The following MEP1B variants were observed in gnomAD, a reference collection of about 807,000 sequenced individuals.
MEP1B encodes N-benzoyl-L-tyrosyl-P-amino-benzoic acid hydrolase subunit beta.
MEP1B carries 80 observed loss-of-function variants against 84.6 expected under a neutral mutation model. That is an observed-to-expected ratio of 0.95 (90% CI 0.79 to 1.14). The LOEUF (loss-of-function observed/expected upper bound fraction) is 1.14, where lower values mean the gene tolerates loss of function less well. Among genes scored for constraint, MEP1B ranks in the 50% most tolerant of loss-of-function variants. The pLI is 0.00. For synonymous variants in MEP1B, 273 were observed against 288.1 expected (o/e 0.95, Z 0.53); for missense variants, 766 against 855.1 (o/e 0.90, Z 1.30).
chr18:32,193,776 A>C (rs1167167427), intron 4 of MEP1B, among the ~76,000 whole-genome samples: 2 of 152,132 alleles, frequency 1.3e-5, no homozygotes, highest in Non-Finnish European at 2.9e-5. Flanking sequence ...ACCCCCAGGA[A>C]ACAGAGCTGC....
At chr18:32,191,445 T>C (rs1038999822) in intron 1 of MEP1B, among the ~76,000 whole-genome samples, 1 of 152,048 alleles carries the variant, frequency 6.6e-6, no homozygotes, top group South Asian at 2.1e-4. Context: ...TATTTCAACA[T>C]TGAGAATAAA....
chr18:32,211,998 T>G (rs1159816724), intron 10 of MEP1B, among the ~76,000 whole-genome samples: 1 of 149,520 alleles, frequency 6.7e-6, no homozygotes, highest in Non-Finnish European at 1.5e-5. Flanking sequence ...TACATATATA[T>G]TATTTATGTA....
intron 5 of MEP1B, among the ~76,000 whole-genome samples, chr18:32,201,727 T>G (rs1484900400): frequency 2.6e-5 from 4 of 152,206 alleles, no homozygotes; most frequent in African/African-American, 9.7e-5. Context: ...TATCAATTTT[T>G]AACTTATTTA....
At chr18:32,218,111 C>T in intron 14 of MEP1B, 146 bp downstream of exon 14, 1 of 711,122 alleles carries the variant, frequency 1.4e-6, no homozygotes. Context: ...TATAAAAGTT[C>T]CTATTACTTT....
At chr18:32,204,472 ATGTCTT>A in intron 7 of MEP1B, 112 bp downstream of exon 7, 1 of 925,504 alleles carries the variant, frequency 1.1e-6, no homozygotes, top group Non-Finnish European at 1.6e-6. Flanking sequence ...TGATGTTTTG[ATGTCTT>A]AATTCATTCA....
intron 10 of MEP1B, 54 bp from the exon 11 acceptor site, chr18:32,213,062 C>G (rs1215102426): frequency 1.3e-6 from 2 of 1,492,086 alleles, no homozygotes; most frequent in Non-Finnish European, 1.9e-6. Flanking sequence ...CTAATGTTGA[C>G]ATGTACATGA....
At chr18:32,200,995 C>T (rs1251478429) in intron 5 of MEP1B, among the ~76,000 whole-genome samples, 5 of 152,082 alleles carry the variant, frequency 3.3e-5, no homozygotes, top group Non-Finnish European at 5.9e-5. Context: ...GCATCTATAA[C>T]GCAAGGTTAA....
In MEP1B at chr18:32,196,122, C is replaced by A; in HGVS notation, c.250+637C>A. The stretch of plus-strand genomic sequence containing the variant: ...CTGGCTCGGGCTCGGTGGCCTTGGG[C>A]TCCTTGGCCTCATCCCTGTTTCTGC... On this transcript the variant is annotated intron_variant, in intron 5 of 14. Transcript: ENST00000269202. This position sits in a 1 kb window ranked among gnomAD's most constrained non-coding sequence, Gnocchi z 4.4. 1.9e-6 allele frequency: 1 copy of A among 524,298 alleles called. No homozygotes were observed. Among genetic ancestry groups the A allele is most frequent in the South Asian group, 1.9e-5 (1 of 52,726 alleles). The allele number at this position is 524,298 out of a possible 1,614,324, so 32.5% of individuals were successfully genotyped here. A position where few individuals can be genotyped will look rare whatever the true frequency, so the allele number is the denominator to read the frequency against.
At chr18:32,208,377 T>C (rs576879786) in intron 9 of MEP1B, 106 bp downstream of exon 9, 26 of 1,184,354 alleles carry the variant, frequency 2.2e-5, no homozygotes, top group Non-Finnish European at 2.9e-5. Flanking sequence ...GAATTATTAA[T>C]GATTATTCAT....
Position 32,196,642 on chromosome 18 carries a change from C to G in MEP1B, c.250+1157C>G. The G allele has an allele frequency of 2.9e-6, 2 of 696,650 alleles. No homozygotes were observed. The highest frequency in any genetic ancestry group is 2.6e-4 in the Middle Eastern group (1 of 3,864). The allele number at this position is 696,650 out of a possible 1,614,324, so 43.2% of individuals were successfully genotyped here. A position where few individuals can be genotyped will look rare whatever the true frequency, so the allele number is the denominator to read the frequency against. On this transcript the variant is annotated intron_variant, in intron 5 of 14. Coordinates refer to ENST00000269202, the MANE Select transcript of MEP1B (RefSeq NM_005925.3). This position sits in a 1 kb window ranked among gnomAD's most constrained non-coding sequence, Gnocchi z 4.4. ...CTGTGCAGCACCCGCCTGATGTTGT[C>G]CAGCACGCCACCTCGGGGTGTCTTC...
intron 14 of MEP1B, among the ~76,000 whole-genome samples, chr18:32,218,506 A>T (rs112562275): frequency 2.0e-5 from 3 of 152,188 alleles, no homozygotes; most frequent in African/African-American, 4.8e-5. Flanking sequence ...CTAGAATGCT[A>T]ATAGACTCCT....
Position 32,220,331 on chromosome 18 carries a change from CA to C in MEP1B, c.*87del. On this transcript the variant is annotated 3_prime_UTR_variant, in exon 15 of 15. Coordinates refer to ENST00000269202, the MANE Select transcript of MEP1B (RefSeq NM_005925.3). The stretch of plus-strand genomic sequence containing the variant: ...CGCCTAAGTGATATTACAGCCACCT[CA>C]TTCTTCTAAAAGTGGATATTTTTCT... 8.1e-7 allele frequency: 1 copy of C among 1,241,688 alleles called. No individual in the cohort carries two copies. Among genetic ancestry groups the C allele is most frequent in the South Asian group, 1.3e-5 (1 of 76,678 alleles). 76.9% of individuals were successfully genotyped at this position (1,241,688 alleles called of 1,614,324 possible). A position where few individuals can be genotyped will look rare whatever the true frequency, so the allele number is the denominator to read the frequency against.
chr18:32,197,249 T>C (rs2040864633), intron 5 of MEP1B, among the ~76,000 whole-genome samples: 1 of 152,122 alleles, frequency 6.6e-6, no homozygotes, highest in African/African-American at 2.4e-5. Context: ...GAAATTTAAA[T>C]ATGTTGGAAA....
chr18:32,196,560 G>C lies in MEP1B; in HGVS notation c.250+1075G>C, dbSNP rs2040857051. 40 of 706,230 alleles carry C rather than the reference G, an allele frequency of 5.7e-5. No individual in the cohort carries two copies. Among genetic ancestry groups the C allele is most frequent in the Non-Finnish European group, 1.3e-5 (5 of 384,406 alleles). 43.7% of individuals were successfully genotyped at this position (706,230 alleles called of 1,614,324 possible). ...GAGAGCTTTGGGCCCTTGGTACTTG[G>C]TGCTGACGGCCAGCGCGTTGTCCAG... On this transcript the variant is annotated intron_variant, in intron 5 of 14. Coordinates refer to ENST00000269202, the MANE Select transcript of MEP1B (RefSeq NM_005925.3). The surrounding 1 kb of genome is among the most constrained non-coding windows in gnomAD (Gnocchi z 4.4).
intron 11 of MEP1B, 118 bp downstream of exon 11, chr18:32,213,677 T>A: frequency 1.4e-6 from 1 of 717,010 alleles, no homozygotes; most frequent in Non-Finnish European, 2.3e-6. Context: ...CCCCAAATCT[T>A]AAGAACAGAT....
chr18:32,220,351 T>G lies in MEP1B; in HGVS notation c.*106T>G. ...CACCTCATTCTTCTAAAAGTGGATA[T>G]TTTTCTGTAAATAGCTGGAAATATT... On this transcript the variant is annotated 3_prime_UTR_variant, in exon 15 of 15. Transcript: ENST00000269202. 1 of 1,062,664 alleles carries G rather than the reference T, an allele frequency of 9.4e-7. No homozygotes were observed. Among genetic ancestry groups the G allele is most frequent in the Non-Finnish European group, 1.4e-6 (1 of 717,886 alleles). 65.8% of individuals were successfully genotyped at this position (1,062,664 alleles called of 1,614,324 possible).
Position 32,217,085 on chromosome 18 carries a change from C to A in MEP1B, c.1854C>A (p.Val618=). Residue 618 remains valine, a synonymous_variant, in exon 13 of 15, where the codon GTC becomes GTA. Transcript: ENST00000269202. The part of the protein sequence containing the change: ...CSKTTCKNDG[V]CTVRDGKAEC... ...AAACCACCTGTAAAAATGACGGTGT[C>A]TGCACTGTTCGAGATGGCAAAGCTG... The A allele has an allele frequency of 6.2e-7, 1 of 1,613,860 alleles. No individual in the cohort carries two copies. Among genetic ancestry groups the A allele is most frequent in the South Asian group, 1.1e-5 (1 of 91,066 alleles).
intron 10 of MEP1B, among the ~76,000 whole-genome samples, chr18:32,212,402 G>C (rs1408732533): frequency 1.3e-5 from 2 of 152,226 alleles, no homozygotes; most frequent in South Asian, 4.1e-4. Flanking sequence ...TCATCTGGGG[G>C]CCTCTGCAGA....
rs1399395850 is a variant in MEP1B at position 32,204,380 on chromosome 18, CTA to C, written c.547+22_547+23del. 6.4e-7 allele frequency: 1 copy of C among 1,556,312 alleles called. No individual in the cohort carries two copies. The highest frequency in any genetic ancestry group is 1.2e-5 in the South Asian group (1 of 84,584). The stretch of plus-strand genomic sequence containing the variant: ...TGTCAGGTACATTTCTCTTTTTTTC[CTA>C]TGTTTTTAGTTAAGGACTGAATTTC... On this transcript the variant is annotated intron_variant, in intron 7 of 14. Transcript: ENST00000269202.
Sources: allele counts gnomAD v4.1 joint callset (sites outside exome capture counted in the v4.1 genomes callset), GRCh38; gene constraint gnomAD v4.1.1; non-coding constraint Gnocchi (gnomAD v3.1); transcripts MANE v1.5; gene names NCBI Gene and HGNC (gene_info 2026-07-23, HGNC 2026-07-21).